Variants in NOS1AP observed in about 807,000 individuals in gnomAD.
The protein encoded by NOS1AP is nitric oxide synthase 1 adaptor protein.
In NOS1AP, 21 loss-of-function variants were observed where a neutral mutation model predicts 56.2. The ratio of observed to expected loss-of-function variants is 0.37; its 90% CI spans 0.26 to 0.54. The LOEUF (loss-of-function observed/expected upper bound fraction) is 0.54. Ranked by LOEUF, NOS1AP falls within the 20% of genes least tolerant of loss-of-function variation. The pLI is 0.84. For missense variants in NOS1AP, 522 were observed against 657.8 expected, an observed-to-expected ratio of 0.79 and a Z score of 2.26; for synonymous variants, 270 against 274.6, an observed-to-expected ratio of 0.98 and a Z score of 0.17.
At chr1:162,096,900 A>C (rs1692257204) in intron 1 of NOS1AP, among the ~76,000 whole-genome samples, 1 of 152,180 alleles carries the variant, frequency 6.6e-6, no homozygotes, top group African/African-American at 2.4e-5. Context: ...TCTTGTATAA[A>C]TCTCCAAGTC....
chr1:162,212,790 C>G (rs1470892939), intron 2 of NOS1AP, among the ~76,000 whole-genome samples: 1 of 139,306 alleles, frequency 7.2e-6, no homozygotes, highest in African/African-American at 2.7e-5. Context: ...CTTCTTCCTG[C>G]TGGGATGTTG....
chr1:162,290,629 A>T (rs1655258693), intron 3 of NOS1AP, among the ~76,000 whole-genome samples: 1 of 152,240 alleles, frequency 6.6e-6, no homozygotes, highest in South Asian at 2.1e-4. Flanking sequence ...CATAGCCTAT[A>T]TTCAGCCGTG....
At position 162,355,317 on chromosome 1, in the gene NOS1AP, T is replaced by C. The variant is rs138537137; in HGVS notation, c.726T>C (p.Ala242=). The change falls in exon 7 of 10, where the codon GCT becomes GCC. Residue 242 remains alanine (A), a synonymous_variant. Transcript: ENST00000361897. ...EFSRGVTDLD[A]VGKEGGSHTG... The stretch of plus-strand genomic sequence containing the variant: ...GCCGAGGTGTGACTGATCTAGATGC[T>C]GTAGGGAAGGAAGGAGGCTCTCACA... The C allele has an allele frequency of 6.2e-7, 1 of 1,614,050 alleles. No homozygotes were observed.
intron 2 of NOS1AP, among the ~76,000 whole-genome samples, chr1:162,236,650 T>A (rs939287609): frequency 6.6e-6 from 1 of 152,170 alleles, no homozygotes; most frequent in South Asian, 2.1e-4. Flanking sequence ...CCAGCCCCCC[T>A]TTCCCTCTTT....
At chr1:162,093,603 G>A (rs1343424389) in intron 1 of NOS1AP, among the ~76,000 whole-genome samples, 3 of 152,048 alleles carry the variant, frequency 2.0e-5, no homozygotes, top group Non-Finnish European at 4.4e-5. Flanking sequence ...TGCCCAGGCT[G>A]GAGTGGTGTG....
At chr1:162,327,889 A>T (rs1165766552) in intron 4 of NOS1AP, among the ~76,000 whole-genome samples, 1 of 152,268 alleles carries the variant, frequency 6.6e-6, no homozygotes, top group Non-Finnish European at 1.5e-5. Flanking sequence ...ACTCATATTT[A>T]TTGAGCAAGC....
Position 162,369,583 on chromosome 1 carries a change from T to C in NOS1AP, c.*2116T>C, listed in dbSNP as rs1205632439. Reference sequence around the variant, plus strand: ...CAGGGAGTGGGTGAGGAAGGCCGCTTCTAAATGGCCTGTAAAAACTTGAGA... The same window carrying C: ...CAGGGAGTGGGTGAGGAAGGCCGCTCCTAAATGGCCTGTAAAAACTTGAGA... On this transcript the variant is annotated 3_prime_UTR_variant, in exon 10 of 10. Transcript: ENST00000361897. 5 of 152,270 alleles carry C rather than the reference T, an allele frequency of 3.3e-5. No individual in the cohort carries two copies. The highest frequency in any genetic ancestry group is 1.2e-4 in the African/African-American group (5 of 41,396). The allele number at this position is 152,270 out of a possible 1,614,324, so 9.4% of individuals were successfully genotyped here.
In NOS1AP at chr1:162,070,020, C is replaced by T; in HGVS notation, c.-158C>T. 6.6e-6 allele frequency: 3 copies of T among 457,792 alleles called. No homozygotes were observed. The highest frequency in any genetic ancestry group is 1.2e-5 in the Non-Finnish European group (3 of 260,426). 28.4% of individuals were successfully genotyped at this position (457,792 alleles called of 1,614,324 possible). ...CTGCCGCTCGGCCCTCGGCACCGCT[C>T]CGGGTCCGGCCGCCGCGCGGCCAGG... On this transcript the variant is annotated 5_prime_UTR_variant, in exon 1 of 10. Transcript: ENST00000361897.
rs373863448 is a variant in NOS1AP, at chr1:162,367,047, T to A, written c.1106-5T>A. On this transcript the variant is annotated splice_region_variant and splice_polypyrimidine_tract_variant and intron_variant, in intron 9 of 9. Coordinates refer to ENST00000361897, the MANE Select transcript of NOS1AP (RefSeq NM_014697.3). The surrounding 1 kb of genome is among the most constrained non-coding windows in gnomAD (Gnocchi z 6.5). Reference sequence around the variant, plus strand: ...CCCCTCTGCTACCTCTTGTCTCCCCTGCAGTGGGCTCCCAGGACAGCTTGC... The same window carrying A: ...CCCCTCTGCTACCTCTTGTCTCCCCAGCAGTGGGCTCCCAGGACAGCTTGC... 1.2e-6 allele frequency: 2 copies of A among 1,613,856 alleles called. No individual in the cohort carries two copies. The highest frequency in any genetic ancestry group is 1.3e-5 in the African/African-American group (1 of 75,050).
At chr1:162,332,463 C>T (rs1656802518) in intron 4 of NOS1AP, among the ~76,000 whole-genome samples, 1 of 152,164 alleles carries the variant, frequency 6.6e-6, no homozygotes, top group Non-Finnish European at 1.5e-5. Flanking sequence ...CCACAGTGTG[C>T]ACTCAGTGGC....
At chr1:162,081,402 C>A (rs1039124342) in intron 1 of NOS1AP, among the ~76,000 whole-genome samples, 2 of 152,038 alleles carry the variant, frequency 1.3e-5, no homozygotes, top group African/African-American at 2.4e-5. Flanking sequence ...GGTGGAAATG[C>A]TGGAGAATGG....
At chr1:162,233,472 G>A (rs4475726) in intron 2 of NOS1AP, among the ~76,000 whole-genome samples, 1 of 152,036 alleles carries the variant, frequency 6.6e-6, no homozygotes, top group Non-Finnish European at 1.5e-5. Flanking sequence ...AAAATCAATA[G>A]TGTACAGTTT....
At chr1:162,331,108 G>A (rs1372202450) in intron 4 of NOS1AP, among the ~76,000 whole-genome samples, 1 of 152,174 alleles carries the variant, frequency 6.6e-6, no homozygotes, top group Non-Finnish European at 1.5e-5. Flanking sequence ...ACTCAGGCAG[G>A]AGATGCTGAG....
At chr1:162,164,350 C>CACACA (rs1650375810) in intron 2 of NOS1AP, among the ~76,000 whole-genome samples, 1 of 152,198 alleles carries the variant, frequency 6.6e-6, no homozygotes, top group Non-Finnish European at 1.5e-5. Context: ...TTCTATGGCA[C>CACACA]ACATATGTAT....
chr1:162,156,336 C>T (rs1456758587), intron 2 of NOS1AP, among the ~76,000 whole-genome samples: 1 of 152,044 alleles, frequency 6.6e-6, no homozygotes, highest in African/African-American at 2.4e-5. Context: ...TGAGGAGTCT[C>T]GCAGGTCTGG....
intron 2 of NOS1AP, among the ~76,000 whole-genome samples, chr1:162,165,379 A>G (rs921630345): frequency 7.9e-5 from 12 of 152,230 alleles, no homozygotes; most frequent in African/African-American, 2.9e-4. Flanking sequence ...AACATTAACC[A>G]GAATTGAGTA....
intron 2 of NOS1AP, among the ~76,000 whole-genome samples, chr1:162,191,095 C>T (rs1651616821): frequency 6.6e-6 from 1 of 152,154 alleles, no homozygotes; most frequent in Admixed American, 6.5e-5. Flanking sequence ...GAGTTGTTCC[C>T]TGGTCCACCA....
intron 4 of NOS1AP, among the ~76,000 whole-genome samples, chr1:162,323,350 GCCT>G (rs1656478935): frequency 6.6e-6 from 1 of 152,210 alleles, no homozygotes; most frequent in African/African-American, 2.4e-5. Flanking sequence ...TTGACTTCTG[GCCT>G]CCTGAACTGT....
rs72713842 is a variant in NOS1AP, at chr1:162,076,140, A to G, written c.105+5858A>G. 8.4e-3 allele frequency among the ~76,000 whole-genome samples: 1,277 copies of G among 152,280 alleles called. 12 individuals carry two copies. The highest frequency in any genetic ancestry group is 0.023 in the South Asian group (109 of 4,820). On this transcript the variant is annotated intron_variant, in intron 1 of 9. Transcript: ENST00000361897. ...AACTTTCAGAATGCTTTCGCTGGCT[A>G]TAATTACCTGCCTTCCCTTTATACC...
Sources: gnomAD v4.1 joint callset for allele counts (sites outside exome capture counted in the v4.1 genomes callset) on GRCh38, gnomAD v4.1.1 for gene constraint, Gnocchi (gnomAD v3.1) non-coding constraint, MANE v1.5 for transcripts, NCBI Gene and HGNC (gene_info 2026-07-23, HGNC 2026-07-21) for gene names.